The following TMEM132B variants were observed in gnomAD, a reference collection of about 807,000 sequenced individuals.
The protein encoded by TMEM132B is transmembrane protein 132B.
Under a neutral mutation model 90.8 loss-of-function variants are expected in TMEM132B, and 18 were observed. That is an observed-to-expected ratio of 0.20 (90% CI 0.14 to 0.29). The LOEUF is 0.29. Among genes scored for constraint, TMEM132B ranks in the 10% least tolerant of loss-of-function variants. TMEM132B has a pLI of 1.00. For missense variants in TMEM132B, 1,096 were observed against 1,326.8 expected (o/e 0.83, Z 2.70); for synonymous variants, 504 against 523.3 (o/e 0.96, Z 0.50).
chr12:125,595,198 T>C (rs560774967), intron 5 of TMEM132B, among the ~76,000 whole-genome samples: 34 of 152,322 alleles, frequency 2.2e-4, no homozygotes, highest in African/African-American at 7.7e-4. Flanking sequence ...GGCAGCTCCA[T>C]GAAGGGGGAG....
intron 4 of TMEM132B, among the ~76,000 whole-genome samples, chr12:125,556,069 G>C (rs1162744557): frequency 6.6e-6 from 1 of 152,172 alleles, no homozygotes; most frequent in African/African-American, 2.4e-5. Context: ...TTTTAACTTG[G>C]AATAAAAGGC....
intron 1 of TMEM132B, among the ~76,000 whole-genome samples, chr12:125,289,130 T>C (rs7977417): frequency 0.14 from 20,766 of 152,214 alleles, 1,586 homozygotes; most frequent in African/African-American, 0.2. Context: ...GTGTGTCTTG[T>C]ACTTCTGGCT....
At chr12:125,206,914 A>G (rs1003506375) in intron 1 of TMEM132B, among the ~76,000 whole-genome samples, 1 of 152,182 alleles carries the variant, frequency 6.6e-6, no homozygotes, top group Non-Finnish European at 1.5e-5. Context: ...TGAAAATGCA[A>G]TTGGCTCGTT....
chr12:125,532,618 A>C (rs1195003140), intron 4 of TMEM132B, among the ~76,000 whole-genome samples: 1 of 151,632 alleles, frequency 6.6e-6, no homozygotes, highest in Non-Finnish European at 1.5e-5. Context: ...GAATTCAAGC[A>C]ATTCTTCTGC....
chr12:125,565,706 G>A (rs564719333), intron 4 of TMEM132B, among the ~76,000 whole-genome samples: 55 of 152,240 alleles, frequency 3.6e-4, no homozygotes, highest in Non-Finnish European at 5.4e-4. Context: ...AACTCCTCTC[G>A]GCACACAGAT....
chr12:125,370,113 G>A (rs984021733), intron 2 of TMEM132B, among the ~76,000 whole-genome samples: 1 of 152,180 alleles, frequency 6.6e-6, no homozygotes, highest in Non-Finnish European at 1.5e-5. Flanking sequence ...GCTTGGGGAT[G>A]AGTGATCTGT....
At chr12:125,633,404 T>C (rs116134770) in intron 5 of TMEM132B, among the ~76,000 whole-genome samples, 15,858 of 152,330 alleles carry the variant, frequency 0.1, 1,060 homozygotes, top group South Asian at 0.2. Context: ...CATATCTCTC[T>C]TTCTCCAGGA....
At chr12:125,311,866 C>G (rs1007877460) in intron 1 of TMEM132B, among the ~76,000 whole-genome samples, 3 of 152,114 alleles carry the variant, frequency 2.0e-5, no homozygotes, top group South Asian at 2.1e-4. Context: ...GAAGCTAGGC[C>G]AGATCTGACC....
chr12:125,231,113 C>T (rs1017095667), intron 1 of TMEM132B, among the ~76,000 whole-genome samples: 1 of 152,154 alleles, frequency 6.6e-6, no homozygotes, highest in African/African-American at 2.4e-5. Context: ...TTCCTTGCCT[C>T]TTCCAGCTCC....
intron 2 of TMEM132B, among the ~76,000 whole-genome samples, chr12:125,384,974 C>A (rs1593116039): frequency 6.6e-6 from 1 of 152,136 alleles, no homozygotes; most frequent in Non-Finnish European, 1.5e-5. Flanking sequence ...TTGATCAACA[C>A]CTCTCCTTTC....
intron 3 of TMEM132B, among the ~76,000 whole-genome samples, chr12:125,449,297 C>T (rs1367164913): frequency 1.3e-5 from 2 of 152,082 alleles, no homozygotes; most frequent in Non-Finnish European, 2.9e-5. Context: ...AATATCTGGT[C>T]AGTTTATCTA....
intron 4 of TMEM132B, among the ~76,000 whole-genome samples, chr12:125,522,569 A>G (rs2136668816): frequency 6.6e-6 from 1 of 152,338 alleles, no homozygotes; most frequent in African/African-American, 2.4e-5. Context: ...GCAGCACTCG[A>G]GTAGAGCTTG....
intron 2 of TMEM132B, among the ~76,000 whole-genome samples, chr12:125,374,799 C>T (rs547355585): frequency 6.6e-5 from 10 of 151,892 alleles, no homozygotes; most frequent in African/African-American, 1.9e-4. Context: ...ATCTGTGGCT[C>T]GAATGAGAAA....
At chr12:125,365,647 A>G (rs1221315899) in intron 2 of TMEM132B, among the ~76,000 whole-genome samples, 1 of 151,862 alleles carries the variant, frequency 6.6e-6, no homozygotes. Flanking sequence ...TTTCATTTTT[A>G]TTCCAGAAGA....
At chr12:125,454,716 AT>A (rs1881246435) in intron 3 of TMEM132B, among the ~76,000 whole-genome samples, 1 of 152,220 alleles carries the variant, frequency 6.6e-6, no homozygotes, top group Non-Finnish European at 1.5e-5. Context: ...AGGTTTCTCC[AT>A]TTGTTTGCTT....
chr12:125,220,490 C>T (rs1022685713), intron 1 of TMEM132B, among the ~76,000 whole-genome samples: 1 of 152,228 alleles, frequency 6.6e-6, no homozygotes, highest in Non-Finnish European at 1.5e-5. Flanking sequence ...CTTGTGTATT[C>T]TGTATTGATT....
At position 125,657,024 on chromosome 12, in the gene TMEM132B, C is replaced by T. The variant is rs1236582739; in HGVS notation, c.*2314C>T. 1 of 152,152 alleles carries T rather than the reference C, an allele frequency of 6.6e-6. No individual in the cohort carries two copies. Among genetic ancestry groups the T allele is most frequent in the Non-Finnish European group, 1.5e-5 (1 of 68,060 alleles). The allele number at this position is 152,152 out of a possible 1,614,324, so 9.4% of individuals were successfully genotyped here. A position where few individuals can be genotyped will look rare whatever the true frequency, so the allele number is the denominator to read the frequency against. On this transcript the variant is annotated 3_prime_UTR_variant, in exon 9 of 9. Coordinates refer to ENST00000682704, the MANE Select transcript of TMEM132B (RefSeq NM_001366854.1). The stretch of plus-strand genomic sequence containing the variant: ...TATCCCTGCCATGGGGAGTGTTATT[C>T]AGGAACATAAAAATTAGAGCATTCC...
chr12:125,521,958 C>T (rs948136941), intron 4 of TMEM132B, among the ~76,000 whole-genome samples: 4 of 152,182 alleles, frequency 2.6e-5, no homozygotes, highest in African/African-American at 7.2e-5. Flanking sequence ...CAGCCAGTGC[C>T]ATTATCTTGC....
chr12:125,256,568 G>A (rs567252406), intron 1 of TMEM132B, among the ~76,000 whole-genome samples: 84 of 152,348 alleles, frequency 5.5e-4, no homozygotes, highest in Admixed American at 1.3e-3. Flanking sequence ...AAGCAGAGAT[G>A]AATAGACGTG....
Sources: allele counts gnomAD v4.1 joint callset (sites outside exome capture counted in the v4.1 genomes callset), GRCh38; gene constraint gnomAD v4.1.1; transcripts MANE v1.5; gene names NCBI Gene and HGNC (gene_info 2026-07-23, HGNC 2026-07-21).